PDE1C: variants seen among roughly 807,000 people sequenced by gnomAD.
The protein encoded by PDE1C is dual specificity calcium/calmodulin-dependent 3',5'-cyclic nucleotide phosphodiesterase 1C.
In PDE1C, 62 loss-of-function variants were observed where a neutral mutation model predicts 93.1. The observed-to-expected ratio is 0.67, with a 90% CI of 0.54 to 0.82. The LOEUF (loss-of-function observed/expected upper bound fraction) is 0.82. Among genes scored for constraint, PDE1C ranks in the 40% least tolerant of loss-of-function variants. The pLI is 0.00. For synonymous variants in PDE1C, 325 were observed against 310.1 expected (o/e 1.05, Z -0.50); for missense variants, 742 against 884.6 (o/e 0.84, Z 2.04).
intron 1 of PDE1C, among the ~76,000 whole-genome samples, chr7:32,216,013 G>T (rs966970156): frequency 5.3e-5 from 8 of 152,206 alleles, no homozygotes; most frequent in Non-Finnish European, 1.0e-4. Flanking sequence ...AGGCAACACA[G>T]ACTCCCAAAG....
At chr7:32,258,376 T>C (rs1809957457) in intron 1 of PDE1C, among the ~76,000 whole-genome samples, 2 of 152,248 alleles carry the variant, frequency 1.3e-5, no homozygotes, top group South Asian at 4.1e-4. Context: ...GTATCAATAT[T>C]GGCGTTGACT....
intron 1 of PDE1C, among the ~76,000 whole-genome samples, chr7:32,426,938 T>C (rs1447795144): frequency 3.3e-5 from 5 of 152,202 alleles, no homozygotes; most frequent in African/African-American, 9.6e-5. Flanking sequence ...TGAGGATTCA[T>C]GTATGAGACC....
intron 2 of PDE1C, among the ~76,000 whole-genome samples, chr7:31,923,725 C>A (rs955503417): frequency 6.6e-6 from 1 of 152,090 alleles, no homozygotes; most frequent in African/African-American, 2.4e-5. Context: ...CCTATAATCC[C>A]ATGTTGGAGA....
chr7:32,269,778 T>C (rs1355692762), intron 1 of PDE1C, among the ~76,000 whole-genome samples: 4 of 150,954 alleles, frequency 2.6e-5, no homozygotes, highest in Non-Finnish European at 3.0e-5. Context: ...GTGCCCGGCC[T>C]GTTTGTTTTT....
At chr7:31,883,115 A>G (rs939749979) in intron 2 of PDE1C, among the ~76,000 whole-genome samples, 5 of 152,356 alleles carry the variant, frequency 3.3e-5, no homozygotes, top group South Asian at 4.1e-4. Context: ...AAGCAATTTA[A>G]TAACAGTACC....
intron 1 of PDE1C, among the ~76,000 whole-genome samples, chr7:32,054,581 T>A (rs1457609144): frequency 6.6e-6 from 1 of 152,186 alleles, no homozygotes; most frequent in African/African-American, 2.4e-5. Context: ...ATGAACTATT[T>A]GCAACTGTCA....
intron 3 of PDE1C, among the ~76,000 whole-genome samples, chr7:32,135,898 G>T (rs1263069689): frequency 1.3e-5 from 2 of 152,180 alleles, no homozygotes; most frequent in Non-Finnish European, 2.9e-5. Flanking sequence ...AATGAATAAA[G>T]AAAGTGTGGT....
At chr7:31,773,262 T>C (rs1427555405) in intron 17 of PDE1C, among the ~76,000 whole-genome samples, 1 of 152,134 alleles carries the variant, frequency 6.6e-6, no homozygotes, top group East Asian at 1.9e-4. Flanking sequence ...ATGCTCAGAA[T>C]GCAGAGCCTA....
chr7:31,832,801 T>C (rs1401327435), intron 11 of PDE1C, among the ~76,000 whole-genome samples: 2 of 152,246 alleles, frequency 1.3e-5, no homozygotes, highest in African/African-American at 4.8e-5. Flanking sequence ...TATATGTATG[T>C]GCAAACAAGT....
At chr7:31,879,267 T>C in intron 3 of PDE1C, 89 bp from the exon 4 acceptor site, 1 of 1,251,736 alleles carries the variant, frequency 8.0e-7, no homozygotes, top group Non-Finnish European at 1.1e-6. Flanking sequence ...CTGCCTCACC[T>C]GCATGTTAGG....
chr7:31,790,797 G>T (rs567532776), intron 16 of PDE1C, among the ~76,000 whole-genome samples: 1 of 152,090 alleles, frequency 6.6e-6, no homozygotes, highest in Non-Finnish European at 1.5e-5. Flanking sequence ...CCAGAGCAAG[G>T]GGGTGGAGGA....
At chr7:31,856,663 G>A (rs1794055870) in intron 7 of PDE1C, among the ~76,000 whole-genome samples, 1 of 147,900 alleles carries the variant, frequency 6.8e-6, no homozygotes, top group Non-Finnish European at 1.5e-5. Context: ...AGGATACTGA[G>A]GTGTAAGAAT....
At chr7:31,731,164 G>A in the PDE1C span, among the ~76,000 whole-genome samples, 1 of 152,054 alleles carries the variant, frequency 6.6e-6, no homozygotes, top group Non-Finnish European at 1.5e-5. Context: ...AGAAGCTGGA[G>A]GTGGGGGTGG....
At chr7:31,642,952 A>G in the PDE1C span, 1 of 1,614,008 alleles carries the variant, frequency 6.2e-7, no homozygotes, top group South Asian at 1.1e-5. Flanking sequence ...TGCCAAGACC[A>G]CCACGAGGGG....
chr7:32,208,713 C>A (rs540907947), intron 2 of PDE1C, among the ~76,000 whole-genome samples: 97 of 151,362 alleles, frequency 6.4e-4, no homozygotes, highest in Non-Finnish European at 1.1e-3. Flanking sequence ...CTAGTATTTT[C>A]CCCCCCCTTC....
chr7:32,328,107 T>G (rs547085931), intron 1 of PDE1C, among the ~76,000 whole-genome samples: 1 of 152,360 alleles, frequency 6.6e-6, no homozygotes, highest in Admixed American at 6.5e-5. Context: ...TATATTTATC[T>G]TTAGTAGATC....
chr7:32,214,344 C>T (rs6946322), intron 1 of PDE1C, among the ~76,000 whole-genome samples: 4,715 of 152,148 alleles, frequency 0.031, 256 homozygotes, highest in African/African-American at 0.11. Flanking sequence ...CATCTCTTAC[C>T]CCTCTCTCCA....
At chr7:31,673,025 C>A in the PDE1C span, among the ~76,000 whole-genome samples, 4 of 152,146 alleles carry the variant, frequency 2.6e-5, no homozygotes, top group African/African-American at 9.7e-5. Context: ...TGCCTTGCAC[C>A]ATGAATGTAA....
the PDE1C span, chr7:31,656,080 AT>A: frequency 1.1e-6 from 1 of 932,082 alleles, no homozygotes; most frequent in African/African-American, 1.8e-5. Context: ...GCTTTCCTTG[AT>A]GATCTGTGGC....
Sources: gnomAD v4.1 joint callset for allele counts (sites outside exome capture counted in the v4.1 genomes callset) on GRCh38, gnomAD v4.1.1 for gene constraint, MANE v1.5 for transcripts, NCBI Gene and HGNC (gene_info 2026-07-23, HGNC 2026-07-21) for gene names.